Variants in ADGRD1 observed in about 807,000 individuals in gnomAD.
ADGRD1 encodes G-protein coupled receptor 133.
Under a neutral mutation model 113.4 loss-of-function variants are expected in ADGRD1, and 77 were observed. The observed-to-expected ratio is 0.68, with a 90% confidence interval of 0.57 to 0.82. The LOEUF is 0.82. Ranked by LOEUF, ADGRD1 falls within the 40% of genes least tolerant of loss-of-function variation. ADGRD1 has a pLI of 0.00. For synonymous variants in ADGRD1, 474 were observed against 475.0 expected, an observed-to-expected ratio of 1.00 and a Z score of 0.03; for missense variants, 1,036 against 1,139.1, an observed-to-expected ratio of 0.91 and a Z score of 1.30.
At chr12:131,033,957 A>G (rs1166868407) in intron 13 of ADGRD1, among the ~76,000 whole-genome samples, 1 of 151,944 alleles carries the variant, frequency 6.6e-6, no homozygotes, top group Non-Finnish European at 1.5e-5. Flanking sequence ...TGCCGGCTCC[A>G]CCTGCAGCTC....
Position 131,014,348 on chromosome 12 carries a change from G to C in ADGRD1, c.1473+8G>C. On this transcript the variant is annotated splice_region_variant and intron_variant, in intron 13 of 24. Coordinates refer to ENST00000261654, the MANE Select transcript of ADGRD1 (RefSeq NM_198827.5). ...CACCTCAAGCACAGATTGGTGAGTG[G>C]CGGTGCCTTCACCCTTGTCGCCGCC... 1 of 1,610,160 alleles carries C rather than the reference G, an allele frequency of 6.2e-7. No individual in the cohort carries two copies. The highest frequency in any genetic ancestry group is 8.5e-7 in the Non-Finnish European group (1 of 1,177,534).
chr12:131,135,127 G>A (rs1034239040), intron 21 of ADGRD1, among the ~76,000 whole-genome samples: 1 of 152,202 alleles, frequency 6.6e-6, no homozygotes, highest in Non-Finnish European at 1.5e-5. Flanking sequence ...GATTGACACA[G>A]CACATCAGGA....
At position 131,050,218 on chromosome 12, in the gene ADGRD1, G is replaced by GTCATCATCATCA. The variant is rs3072393; in HGVS notation, c.1474-26573_1474-26562dup. On this transcript the variant is annotated intron_variant, in intron 13 of 24. Coordinates refer to ENST00000261654, the MANE Select transcript of ADGRD1 (RefSeq NM_198827.5). This position sits in a 1 kb window ranked among gnomAD's most constrained non-coding sequence, Gnocchi z 4.8. ...TCAAGTTGAAATCACCATCGTCATCGTCATCATCATCATCATCATCAATGA... is the reference window on the plus strand; with the variant it reads ...TCAAGTTGAAATCACCATCGTCATCGTCATCATCATCATCATCATCATCATCATCATCAATGA... Among the ~76,000 whole-genome samples, 3 of 150,798 alleles carry GTCATCATCATCA rather than the reference G, an allele frequency of 2.0e-5. No homozygotes were observed. The highest frequency in any genetic ancestry group is 6.6e-5 in the Admixed American group (1 of 15,160).
At chr12:130,991,317 A>G (rs988517841) in intron 7 of ADGRD1, among the ~76,000 whole-genome samples, 2 of 152,118 alleles carry the variant, frequency 1.3e-5, no homozygotes, top group African/African-American at 4.8e-5. Flanking sequence ...AAAAGGAAAT[A>G]CCGGGCTCAT....
At chr12:131,040,689 G>A (rs1280554813) in intron 13 of ADGRD1, among the ~76,000 whole-genome samples, 1 of 152,204 alleles carries the variant, frequency 6.6e-6, no homozygotes, top group Admixed American at 6.5e-5. Flanking sequence ...GAGCTGCCTT[G>A]TTATCTGTAA....
Position 131,105,789 on chromosome 12 carries a change from T to G in ADGRD1, c.1811T>G (p.Ile604Ser). The change falls in exon 17 of 25, where the codon ATC becomes AGC. Residue 604 changes from isoleucine to serine, a missense_variant. Coordinates refer to ENST00000261654, the MANE Select transcript of ADGRD1 (RefSeq NM_198827.5). ...VSTIRNQRYH[I>S]HANLSFAVLV... ...ACCATCCGGAACCAGCGCTACCACA[T>G]CCACGCCAACCTGTCCTTCGCCGTG... The G allele has an allele frequency of 1.2e-6, 2 of 1,601,456 alleles. No individual in the cohort carries two copies. The highest frequency in any genetic ancestry group is 1.7e-6 in the Non-Finnish European group (2 of 1,179,952).
At chr12:131,102,360 G>C (rs1003286238) in intron 15 of ADGRD1, among the ~76,000 whole-genome samples, 1 of 152,256 alleles carries the variant, frequency 6.6e-6, no homozygotes, top group African/African-American at 2.4e-5. Flanking sequence ...GCACCCGCCT[G>C]TTGAGGAACT....
At chr12:131,012,382 C>T (rs1480281374) in intron 12 of ADGRD1, among the ~76,000 whole-genome samples, 2 of 151,696 alleles carry the variant, frequency 1.3e-5, no homozygotes, top group South Asian at 2.1e-4. Context: ...GTCGAGCAGT[C>T]GCGTCTGTTG....
rs1049578955 is a variant in ADGRD1, at chr12:130,966,406, C to T, written c.104-57C>T. 5.4e-6 allele frequency: 6 copies of T among 1,109,272 alleles called. No homozygotes were observed. In the African/African-American group the frequency reaches 6.1e-5, roughly 11 times the overall value. 68.7% of individuals were successfully genotyped at this position (1,109,272 alleles called of 1,614,324 possible). On this transcript the variant is annotated intron_variant, in intron 2 of 24. Transcript: ENST00000261654. The surrounding 1 kb of genome is among the most constrained non-coding windows in gnomAD (Gnocchi z 4.6). ...AATGTGTGTGCTAAGCGGTTCTTAC[C>T]CTCTGGTTCTTTCCTCTCTAATGAT...
chr12:131,088,387 G>A (rs986990437), intron 15 of ADGRD1, among the ~76,000 whole-genome samples: 10 of 152,254 alleles, frequency 6.6e-5, no homozygotes, highest in African/African-American at 2.4e-4. Flanking sequence ...AGGGCCACGC[G>A]GGAGATCATG....
chr12:131,108,650 G>T, intron 17 of ADGRD1, 74 bp from the exon 18 acceptor site: 2 of 1,604,992 alleles, frequency 1.2e-6, no homozygotes, highest in Non-Finnish European at 1.7e-6. Context: ...ATGGATACTG[G>T]GAGGCTGGGA....
At position 131,139,883 on chromosome 12, in the gene ADGRD1, C is replaced by T. The variant is rs1051220314; in HGVS notation, c.*620C>T. The T allele has an allele frequency of 3.9e-5, 6 of 152,506 alleles. No homozygotes were observed. Among genetic ancestry groups the T allele is most frequent in the African/African-American group, 9.6e-5 (4 of 41,466 alleles). 9.4% of individuals were successfully genotyped at this position (152,506 alleles called of 1,614,324 possible). On this transcript the variant is annotated 3_prime_UTR_variant, in exon 25 of 25. Transcript: ENST00000261654. Reference sequence around the variant, plus strand: ...ATCAGTTGGGGGCCCCTGCCCAAGCCGAGCTCGAGCCGTGGGCGGGAGTCG... The same window carrying T: ...ATCAGTTGGGGGCCCCTGCCCAAGCTGAGCTCGAGCCGTGGGCGGGAGTCG...
chr12:131,068,797 A>G (rs1413916539), intron 13 of ADGRD1, among the ~76,000 whole-genome samples: 1 of 152,264 alleles, frequency 6.6e-6, no homozygotes, highest in African/African-American at 2.4e-5. Context: ...AAGGGAAGAA[A>G]AAAAGAAACA....
At chr12:131,120,184 G>C (rs1950559230) in intron 19 of ADGRD1, among the ~76,000 whole-genome samples, 1 of 152,198 alleles carries the variant, frequency 6.6e-6, no homozygotes, top group South Asian at 2.1e-4. Context: ...CCAATTAAAG[G>C]CACTCCAGGT....
chr12:131,136,859 G>T, intron 22 of ADGRD1, 114 bp from the exon 23 acceptor site: 1 of 857,248 alleles, frequency 1.2e-6, no homozygotes, highest in Non-Finnish European at 2.0e-6. Flanking sequence ...CATGGGACCT[G>T]GTGTCACAGT....
At chr12:130,969,085 G>C in intron 3 of ADGRD1, 1 of 1,411,742 alleles carries the variant, frequency 7.1e-7, no homozygotes, top group South Asian at 1.2e-5. Context: ...GAGCATTTAT[G>C]TACTTTTGTT....
chr12:131,040,927 A>G (rs1242284210), intron 13 of ADGRD1, among the ~76,000 whole-genome samples: 1 of 152,222 alleles, frequency 6.6e-6, no homozygotes, highest in Non-Finnish European at 1.5e-5. Flanking sequence ...CAGAATTGCT[A>G]GCTTCTTCCT....
rs1884264110 is a variant in ADGRD1 at position 131,060,911 on chromosome 12, T to C, written c.1474-15890T>C. 6.6e-6 allele frequency among the ~76,000 whole-genome samples: 1 copy of C among 152,028 alleles called. No individual in the cohort carries two copies. The highest frequency in any genetic ancestry group is 1.5e-5 in the Non-Finnish European group (1 of 67,998). ...CCAGGGGCTCAGTCCACCCCGCCCA[T>C]GTTACCTGGATGGAGAACAGAGTGG... is the stretch of plus-strand genomic sequence containing the variant. On this transcript the variant is annotated intron_variant, in intron 13 of 24. Transcript: ENST00000261654. The surrounding 1 kb of genome is among the most constrained non-coding windows in gnomAD (Gnocchi z 4.4).
chr12:131,136,173 G>A lies in ADGRD1; in HGVS notation c.2394+10G>A, dbSNP rs370586919. The A allele has an allele frequency of 1.8e-3, 2,854 of 1,612,904 alleles. 3 individuals are homozygous for A. The highest frequency in any genetic ancestry group is 2.2e-3 in the Non-Finnish European group (2,649 of 1,179,664). The stretch of plus-strand genomic sequence containing the variant: ...GCTCAACTCCCTGCAGGTGAGAGCC[G>A]CGGGGACTGGCGGGGAGGCAGGGCC... On this transcript the variant is annotated intron_variant, in intron 22 of 24. Coordinates refer to ENST00000261654, the MANE Select transcript of ADGRD1 (RefSeq NM_198827.5).
Sources: allele counts gnomAD v4.1 joint callset (sites outside exome capture counted in the v4.1 genomes callset), GRCh38; gene constraint gnomAD v4.1.1; non-coding constraint Gnocchi (gnomAD v3.1); transcripts MANE v1.5; gene names NCBI Gene and HGNC (gene_info 2026-07-23, HGNC 2026-07-21).